PHF20: variants seen among roughly 807,000 people sequenced by gnomAD.
PHF20 encodes glioma-expressed antigen 2.
A neutral mutation model predicts 113.5 loss-of-function variants in PHF20; 23 were observed. That is an observed-to-expected ratio of 0.20 (90% CI 0.15 to 0.29). The LOEUF (loss-of-function observed/expected upper bound fraction) is 0.29, where lower values mean the gene tolerates loss of function less well. Among genes scored for constraint, PHF20 ranks in the 10% least tolerant of loss-of-function variants. The pLI, the probability that PHF20 is intolerant of heterozygous loss-of-function variation, is 1.00. For missense variants in PHF20, 943 were observed against 1,219.6 expected (o/e 0.77, Z 3.38); for synonymous variants, 434 against 457.3 (o/e 0.95, Z 0.65).
chr20:35,812,472 A>G lies in PHF20; in HGVS notation c.83+10867A>G, dbSNP rs900280787. 2.6e-5 allele frequency among the ~76,000 whole-genome samples: 4 copies of G among 152,330 alleles called. No homozygotes were observed. In the East Asian group the frequency reaches 5.8e-4, roughly 22 times the overall value. On this transcript the variant is annotated intron_variant, in intron 2 of 17. Transcript: ENST00000374012. ...CAACATTATTTGTTTAATTTTTAAG[A>G]GTTCCGAACAGTTGTTTTTTAGAAT...
intron 3 of PHF20, among the ~76,000 whole-genome samples, chr20:35,844,543 C>CA (rs2042588714): frequency 1.7e-5 from 2 of 117,710 alleles, no homozygotes; most frequent in South Asian, 3.1e-4. Flanking sequence ...TTCACCATCA[C>CA]CACACACACA....
chr20:35,933,820 A>T (rs1324162658), intron 15 of PHF20, among the ~76,000 whole-genome samples: 4 of 152,208 alleles, frequency 2.6e-5, no homozygotes, highest in Non-Finnish European at 5.9e-5. Flanking sequence ...GGCGTGGGCC[A>T]CTGTGCCCGG....
intron 6 of PHF20, 63 bp downstream of exon 6, chr20:35,863,463 G>T: frequency 6.9e-7 from 1 of 1,459,610 alleles, no homozygotes; most frequent in Non-Finnish European, 9.2e-7. Flanking sequence ...GGCCCTTTGT[G>T]GTTCTTTGTA....
chr20:35,795,865 T>G (rs1047441079), intron 1 of PHF20, among the ~76,000 whole-genome samples: 1 of 152,186 alleles, frequency 6.6e-6, no homozygotes, highest in Non-Finnish European at 1.5e-5. Flanking sequence ...TATAAATTTT[T>G]TTTTTGAGAC....
At position 35,917,583 on chromosome 20, in the gene PHF20, T is replaced by C. The variant is rs762366925; in HGVS notation, c.1925T>C (p.Leu642Pro). The stretch of plus-strand genomic sequence containing the variant: ...GTGACCACCAACCCAGATGAGGAAC[T>C]TGATGGGGATGACCGCTATGACTTC... ...VDVTTNPDEE[L>P]DGDDRYDFEV... Residue 642 changes from leucine to proline, a missense_variant, in exon 13 of 18, where the codon CTT (leucine) becomes CCT (proline). Leu to Pro is a moderately conservative substitution (Grantham distance 98). Transcript: ENST00000374012. 3 of 1,614,142 alleles carry C rather than the reference T, an allele frequency of 1.9e-6. No homozygotes were observed. Among genetic ancestry groups the C allele is most frequent in the East Asian group, 4.5e-5 (2 of 44,884 alleles).
intron 6 of PHF20, among the ~76,000 whole-genome samples, chr20:35,866,359 G>A (rs868279060): frequency 1.3e-5 from 2 of 152,332 alleles, no homozygotes; most frequent in Non-Finnish European, 2.9e-5. Context: ...TCCTTGATCT[G>A]TGATGGATTG....
At chr20:35,794,561 G>A (rs773998385) in intron 1 of PHF20, among the ~76,000 whole-genome samples, 2 of 152,160 alleles carry the variant, frequency 1.3e-5, no homozygotes, top group African/African-American at 2.4e-5. Context: ...CTTTAATGGA[G>A]GTTGAATCCC....
Position 35,865,649 on chromosome 20 carries a change from C to T in PHF20, c.808+2249C>T, listed in dbSNP as rs538812641. Among the ~76,000 whole-genome samples, 16 of 151,760 alleles carry T rather than the reference C, an allele frequency of 1.1e-4. No individual in the cohort carries two copies. In the East Asian group the frequency reaches 2.9e-3, roughly 28 times the overall value. ...TCCTGAGTAGCTGGGACTACAGGCA[C>T]ATGCCACCATGCCCAGCTAATTTAT... On this transcript the variant is annotated intron_variant, in intron 6 of 17. Transcript: ENST00000374012.
At chr20:35,907,651 G>A (rs2055225030) in intron 10 of PHF20, among the ~76,000 whole-genome samples, 1 of 152,204 alleles carries the variant, frequency 6.6e-6, no homozygotes, top group Admixed American at 6.5e-5. Context: ...ACCCTCTGAG[G>A]TGGGTGCTGT....
chr20:35,828,304 G>T (rs1327269801), intron 2 of PHF20, among the ~76,000 whole-genome samples: 2 of 152,150 alleles, frequency 1.3e-5, no homozygotes, highest in African/African-American at 4.8e-5. Flanking sequence ...GATTATAGGT[G>T]TGAGCCACCG....
intron 9 of PHF20, among the ~76,000 whole-genome samples, chr20:35,887,973 TTAC>T (rs2054769129): frequency 6.6e-6 from 1 of 151,124 alleles, no homozygotes; most frequent in South Asian, 2.1e-4. Flanking sequence ...CTGCTTAGGG[TTAC>T]CTTTTTTTTT....
rs867376440 is a variant in PHF20, at chr20:35,814,690, G to C, written c.83+13085G>C. 2.0e-5 allele frequency among the ~76,000 whole-genome samples: 3 copies of C among 147,232 alleles called. No individual in the cohort carries two copies. In the East Asian group the frequency reaches 6.2e-4, roughly 30 times the overall value. ...AGATCGAGACCATCCCGGCTAAAACGGTGAAACCCCGTCTCTACTAAAAAT... is the reference window on the plus strand; with the variant it reads ...AGATCGAGACCATCCCGGCTAAAACCGTGAAACCCCGTCTCTACTAAAAAT... On this transcript the variant is annotated intron_variant, in intron 2 of 17. Coordinates refer to ENST00000374012, the MANE Select transcript of PHF20 (RefSeq NM_016436.5).
intron 1 of PHF20, among the ~76,000 whole-genome samples, chr20:35,801,258 G>A: frequency 6.6e-6 from 1 of 152,178 alleles, no homozygotes; most frequent in Non-Finnish European, 1.5e-5. Context: ...CCTTGTAGGT[G>A]AGTGGTAAGC....
intron 2 of PHF20, among the ~76,000 whole-genome samples, chr20:35,813,277 T>A (rs960241475): frequency 1.3e-5 from 2 of 152,138 alleles, no homozygotes; most frequent in African/African-American, 2.4e-5. Flanking sequence ...CCGGCCCATT[T>A]TTATTCTTTT....
At chr20:35,946,675 T>A (rs963674951) in intron 17 of PHF20, among the ~76,000 whole-genome samples, 1 of 142,496 alleles carries the variant, frequency 7.0e-6, no homozygotes. Flanking sequence ...TATTTTATTT[T>A]ATTTTATTTA....
At chr20:35,927,346 T>C (rs1460200382) in intron 13 of PHF20, among the ~76,000 whole-genome samples, 2 of 152,222 alleles carry the variant, frequency 1.3e-5, no homozygotes, top group Middle Eastern at 3.2e-3. Context: ...GGCTCTGTAA[T>C]AGGAGCTTTT....
chr20:35,789,651 A>G (rs1033204045), intron 1 of PHF20, among the ~76,000 whole-genome samples: 1 of 151,370 alleles, frequency 6.6e-6, no homozygotes, highest in African/African-American at 2.4e-5. Flanking sequence ...GGTTCAAGCA[A>G]TTCTCCTGCC....
intron 1 of PHF20, among the ~76,000 whole-genome samples, chr20:35,795,116 CG>C (rs1385902054): frequency 6.6e-6 from 1 of 151,126 alleles, no homozygotes; most frequent in Non-Finnish European, 1.5e-5. Flanking sequence ...CGCTTGAACC[CG>C]GGAGGAGGAG....
intron 4 of PHF20, among the ~76,000 whole-genome samples, chr20:35,851,620 C>T (rs1043788187): frequency 4.3e-5 from 6 of 140,550 alleles, no homozygotes; most frequent in South Asian, 2.6e-4. Flanking sequence ...TAGCCTTTAA[C>T]GATGTCAATG....
Sources: allele counts gnomAD v4.1 joint callset (sites outside exome capture counted in the v4.1 genomes callset), GRCh38; gene constraint gnomAD v4.1.1; transcripts MANE v1.5; gene names NCBI Gene and HGNC (gene_info 2026-07-23, HGNC 2026-07-21).